SNX7: variants seen among roughly 807,000 people sequenced by gnomAD.
The protein encoded by SNX7 is sorting nexin 7, also known as sorting nexin-7.
A neutral mutation model predicts 48.4 loss-of-function variants in SNX7; 35 were observed. The ratio of observed to expected loss-of-function variants is 0.72; its 90% CI spans 0.55 to 0.96. SNX7 has a LOEUF of 0.96. Ranked by LOEUF, SNX7 falls within the 40% of genes least tolerant of loss-of-function variation. SNX7 has a pLI of 0.00. For synonymous variants in SNX7, 190 were observed against 190.2 expected, an observed-to-expected ratio of 1.00 and a Z score of 0.01; for missense variants, 553 against 548.9, an observed-to-expected ratio of 1.01 and a Z score of -0.07.
intron 1 of SNX7, among the ~76,000 whole-genome samples, chr1:98,669,054 G>T (rs1649696526): frequency 6.6e-6 from 1 of 152,180 alleles, no homozygotes; most frequent in African/African-American, 2.4e-5. Flanking sequence ...CATCCCTTCA[G>T]TTTATTTCCA....
chr1:98,748,637 A>AAC (rs58973289), intron 8 of SNX7, among the ~76,000 whole-genome samples: 24,416 of 145,708 alleles, frequency 0.17, 2,060 homozygotes, highest in East Asian at 0.28. Flanking sequence ...AAATGATTTA[A>AAC]ACACACACAC....
At position 98,695,677 on chromosome 1, in the gene SNX7, A is replaced by G. The variant is rs763821437; in HGVS notation, c.799A>G (p.Ile267Val). The part of the protein sequence containing the change: ...IELFSQKINL[I>V]DKISQRIYKE... ...ACTATTTAGCCAGAAAATAAATTTG[A>G]TAGATAAAATATCTCAGAGAATTTA... Residue 267 changes from isoleucine (I) to valine (V), a missense_variant, in exon 5 of 9, where the codon ATA (isoleucine) becomes GTA (valine). Ile to Val is a conservative substitution (Grantham distance 29, BLOSUM62 3). Coordinates refer to ENST00000306121, the MANE Select transcript of SNX7 (RefSeq NM_015976.5). 1.3e-5 allele frequency: 20 copies of G among 1,591,218 alleles called. No individual in the cohort carries two copies. Among genetic ancestry groups the G allele is most frequent in the Admixed American group, 1.7e-5 (1 of 59,986 alleles).
intron 7 of SNX7, among the ~76,000 whole-genome samples, chr1:98,734,973 A>G (rs1283703188): frequency 6.6e-6 from 1 of 152,142 alleles, no homozygotes; most frequent in African/African-American, 2.4e-5. Flanking sequence ...AGTCTTTTCC[A>G]TGCTATTTTG....
At position 98,760,069 on chromosome 1, in the gene SNX7, G is replaced by A. The variant is rs762670020; in HGVS notation, c.1294G>A (p.Glu432Lys). 1.2e-6 allele frequency: 2 copies of A among 1,605,018 alleles called. No homozygotes were observed. The highest frequency in any genetic ancestry group is 1.7e-6 in the Non-Finnish European group (2 of 1,172,088). Residue 432 changes from glutamate to lysine, a missense_variant, in exon 9 of 9, where the codon GAG becomes AAG. Physicochemically the swap from Glu to Lys is moderately conservative, Grantham distance 56 (BLOSUM62 1). Coordinates refer to ENST00000306121, the MANE Select transcript of SNX7 (RefSeq NM_015976.5). ...CATTATTCAGTGCCTTGCTACGTGG[G>A]AGTCATTCCTTACATCACAGACCAA... ...HYYEQCLATW[E>K]SFLTSQTNLH... is the part of the protein sequence containing the mutation.
chr1:98,733,440 A>T (rs993760504), intron 7 of SNX7, among the ~76,000 whole-genome samples: 2 of 152,090 alleles, frequency 1.3e-5, no homozygotes, highest in African/African-American at 2.4e-5. Flanking sequence ...GTCCTCTGTG[A>T]AAAGACGAAC....
rs547468421 is a variant in SNX7, at chr1:98,675,444, C to T, written c.181-9441C>T. ...GTAATTTTCTGCCTTTGCTAGATAT[C>T]GAAGCATATTTTTATGACACCACAC... is the stretch of plus-strand genomic sequence containing the variant. On this transcript the variant is annotated intron_variant, in intron 1 of 8. Transcript: ENST00000306121. 2.0e-5 allele frequency among the ~76,000 whole-genome samples: 3 copies of T among 152,136 alleles called. No individual in the cohort carries two copies. In the East Asian group the frequency reaches 5.8e-4, roughly 29 times the overall value.
chr1:98,718,550 C>G (rs559157229), intron 7 of SNX7, among the ~76,000 whole-genome samples: 17 of 152,170 alleles, frequency 1.1e-4, no homozygotes, highest in African/African-American at 4.1e-4. Context: ...CTAATTAGTG[C>G]ATTGCTTATA....
intron 4 of SNX7, among the ~76,000 whole-genome samples, chr1:98,694,596 ATTTTTTTTTT>A (rs764330196): frequency 2.3e-4 from 12 of 53,200 alleles, no homozygotes; most frequent in East Asian, 1.2e-3. Flanking sequence ...TTGCTCTGGG[ATTTTTTTTTT>A]TTTTTTTTTT....
intron 6 of SNX7, among the ~76,000 whole-genome samples, 200 bp downstream of exon 6, chr1:98,699,105 T>G (rs1333430936): frequency 6.6e-6 from 1 of 152,188 alleles, no homozygotes; most frequent in South Asian, 2.1e-4. Context: ...GCAGGAATAC[T>G]CAATAGCAAC....
At chr1:98,753,575 G>A (rs977612072) in intron 8 of SNX7, among the ~76,000 whole-genome samples, 4 of 152,066 alleles carry the variant, frequency 2.6e-5, no homozygotes, top group African/African-American at 9.7e-5. Flanking sequence ...CCTGGAGAAT[G>A]TTCAGAAGTT....
At chr1:98,691,935 ACACTCTCTCT>A (rs879475017) in intron 4 of SNX7, among the ~76,000 whole-genome samples, 3,744 of 87,304 alleles carry the variant, frequency 0.043, 65 homozygotes, top group Middle Eastern at 0.084. Context: ...ACACACACAC[ACACTCTCTCT>A]CTCTCTCTCT....
intron 7 of SNX7, among the ~76,000 whole-genome samples, chr1:98,728,750 C>T (rs1372743546): frequency 6.6e-6 from 1 of 152,134 alleles, no homozygotes; most frequent in African/African-American, 2.4e-5. Context: ...GCTAACTAAT[C>T]TAGATACATA....
At chr1:98,720,381 A>T (rs1652801215) in intron 7 of SNX7, among the ~76,000 whole-genome samples, 1 of 152,108 alleles carries the variant, frequency 6.6e-6, no homozygotes, top group South Asian at 2.1e-4. Context: ...TCAGGCTAAT[A>T]TTTCTTATAA....
At chr1:98,688,508 T>C (rs1216818405) in intron 2 of SNX7, among the ~76,000 whole-genome samples, 1 of 152,210 alleles carries the variant, frequency 6.6e-6, no homozygotes, top group East Asian at 1.9e-4. Context: ...TGCCTGTCAT[T>C]GTATAGTTAG....
chr1:98,715,753 T>C (rs1393333005), intron 7 of SNX7, among the ~76,000 whole-genome samples: 4 of 152,182 alleles, frequency 2.6e-5, no homozygotes, highest in African/African-American at 9.6e-5. Context: ...GGCTCAGCCC[T>C]GGAATCAGTT....
intron 1 of SNX7, among the ~76,000 whole-genome samples, chr1:98,678,449 T>C (rs570707329): frequency 6.6e-6 from 1 of 152,352 alleles, no homozygotes; most frequent in East Asian, 1.9e-4. Context: ...TGTACATATG[T>C]ATGTGTATGT....
rs1553199906 is a variant in SNX7 at position 98,695,468 on chromosome 1, C to CGGAATATTGAGACTT, written c.640-48_640-34dup. On this transcript the variant is annotated intron_variant, in intron 4 of 8. Coordinates refer to ENST00000306121, the MANE Select transcript of SNX7 (RefSeq NM_015976.5). ...TTAGGTTTATTTTTGTATTGAGTCT[C>CGGAATATTGAGACTT]GGAATATTGAGACTTGTTTCACTAG... is the stretch of plus-strand genomic sequence containing the variant. The CGGAATATTGAGACTT allele has an allele frequency of 1.9e-6, 3 of 1,546,786 alleles. No homozygotes were observed. In the African/African-American group the frequency reaches 4.1e-5, roughly 21 times the overall value.
intron 8 of SNX7, among the ~76,000 whole-genome samples, chr1:98,740,212 A>T (rs1654001836): frequency 6.6e-6 from 1 of 152,170 alleles, no homozygotes; most frequent in African/African-American, 2.4e-5. Context: ...CAGATTTTGA[A>T]TGATATAAAG....
At chr1:98,749,147 A>C (rs1410541901) in intron 8 of SNX7, among the ~76,000 whole-genome samples, 1 of 152,090 alleles carries the variant, frequency 6.6e-6, no homozygotes, top group African/African-American at 2.4e-5. Context: ...TATGAATTTA[A>C]ATTTTGGCTC....
Sources: allele counts gnomAD v4.1 joint callset (sites outside exome capture counted in the v4.1 genomes callset), GRCh38; gene constraint gnomAD v4.1.1; transcripts MANE v1.5; gene names NCBI Gene and HGNC (gene_info 2026-07-23, HGNC 2026-07-21).